The following ADAM2 variants were observed in gnomAD, a reference collection of about 807,000 sequenced individuals.
The protein encoded by ADAM2 is ADAM metallopeptidase domain 2.
In ADAM2, 101 loss-of-function variants were observed where a neutral mutation model predicts 99.3. The ratio of observed to expected loss-of-function variants is 1.02; its 90% CI spans 0.87 to 1.20. The LOEUF is 1.20. Ranked by LOEUF, ADAM2 falls within the 50% of genes most tolerant of loss-of-function variation. ADAM2 has a pLI of 0.00. For missense variants in ADAM2, 948 were observed against 878.7 expected, an observed-to-expected ratio of 1.08 and a Z score of -1.00; for synonymous variants, 323 against 287.6, an observed-to-expected ratio of 1.12 and a Z score of -1.25.
At chr8:39,758,204 T>C (rs1223470527) in intron 15 of ADAM2, among the ~76,000 whole-genome samples, 1 of 152,114 alleles carries the variant, frequency 6.6e-6, no homozygotes, top group Non-Finnish European at 1.5e-5. Flanking sequence ...TCTAGCTCCA[T>C]TGACTGACAG....
At chr8:39,799,791 T>A (rs554712795) in intron 7 of ADAM2, among the ~76,000 whole-genome samples, 2 of 152,336 alleles carry the variant, frequency 1.3e-5, no homozygotes, top group South Asian at 2.1e-4. Flanking sequence ...TTATGTAGTG[T>A]CCTTCTTTGT....
intron 15 of ADAM2, among the ~76,000 whole-genome samples, chr8:39,760,913 T>TAAAAAAAAAAAAAAAAAAAAAAAAA (rs1802341281): frequency 9.6e-6 from 1 of 104,548 alleles, no homozygotes; most frequent in African/African-American, 4.0e-5. Context: ...AAAAAAAAAT[T>TAAAAAAAAAAAAAAAAAAAAAAAAA]AAAGTAATAG....
rs772032081 is a variant in ADAM2 at position 39,769,451 on chromosome 8, C to G, written c.1153G>C (p.Ala385Pro). The stretch of plus-strand genomic sequence containing the variant: ...TCCAGCTTTGCATTACCACACACTG[C>G]TTGCTGTTTGAAAAAAGGATCTAAG... Reference protein sequence around the residue: ...PRLDPFFKQQAVCGNAKLEAG... With the variant: ...PRLDPFFKQQPVCGNAKLEAG... Residue 385 changes from alanine to proline, a missense_variant, in exon 12 of 21, where the codon GCA becomes CCA. Physicochemically the swap from Ala to Pro is conservative, Grantham distance 27. Coordinates refer to ENST00000265708, the MANE Select transcript of ADAM2 (RefSeq NM_001464.5). 1 of 1,613,932 alleles carries G rather than the reference C, an allele frequency of 6.2e-7. No homozygotes were observed. Among genetic ancestry groups the G allele is most frequent in the Non-Finnish European group, 8.5e-7 (1 of 1,179,836 alleles).
At chr8:39,797,548 T>C (rs77255148) in intron 7 of ADAM2, among the ~76,000 whole-genome samples, 1 of 152,180 alleles carries the variant, frequency 6.6e-6, no homozygotes, top group Non-Finnish European at 1.5e-5. Flanking sequence ...CTTGATTGCA[T>C]ATGAAATTTA....
Position 39,792,286 on chromosome 8 carries a change from G to A in ADAM2, c.571-3546C>T, listed in dbSNP as rs143268444. ...AATTTAGAATTACAATGGCTTTTAT[G>A]AGGAATGTTATAATTGCACAAAATC... On this transcript the variant is annotated intron_variant, in intron 7 of 20. Transcript: ENST00000265708. Among the ~76,000 whole-genome samples, 27 of 152,042 alleles carry A rather than the reference G, an allele frequency of 1.8e-4. No homozygotes were observed. In the East Asian group the frequency reaches 4.4e-3, roughly 25 times the overall value.
At chr8:39,799,856 C>T (rs1360706302) in intron 7 of ADAM2, among the ~76,000 whole-genome samples, 2 of 151,548 alleles carry the variant, frequency 1.3e-5, no homozygotes, top group African/African-American at 4.8e-5. Context: ...AGGAATACAA[C>T]CATTTTTGTC....
intron 10 of ADAM2, among the ~76,000 whole-genome samples, chr8:39,783,323 TG>T (rs762872851): frequency 3.9e-5 from 6 of 152,160 alleles, no homozygotes; most frequent in Non-Finnish European, 7.4e-5. Context: ...TTTGATAAAA[TG>T]AAAAAATACA....
chr8:39,807,902 C>T (rs887503883), intron 7 of ADAM2, among the ~76,000 whole-genome samples: 1 of 152,042 alleles, frequency 6.6e-6, no homozygotes, highest in African/African-American at 2.4e-5. Flanking sequence ...ACAGAATGTA[C>T]ATTTCACAAA....
At chr8:39,824,248 A>AC (rs1436004352) in intron 4 of ADAM2, among the ~76,000 whole-genome samples, 1 of 141,164 alleles carries the variant, frequency 7.1e-6, no homozygotes, top group Admixed American at 7.6e-5. Flanking sequence ...GCGCCATTGC[A>AC]CTCCAGCCTG....
chr8:39,799,300 G>C (rs1804106759), intron 7 of ADAM2, among the ~76,000 whole-genome samples: 1 of 152,140 alleles, frequency 6.6e-6, no homozygotes, highest in Non-Finnish European at 1.5e-5. Flanking sequence ...TATTTACCCA[G>C]TAGTCATTCA....
chr8:39,829,783 C>T (rs776784816), intron 3 of ADAM2, among the ~76,000 whole-genome samples: 4 of 151,768 alleles, frequency 2.6e-5, no homozygotes, highest in Non-Finnish European at 4.4e-5. Context: ...AAATTGGATG[C>T]TATACAGTAA....
chr8:39,813,124 C>T (rs1373537605), intron 6 of ADAM2, among the ~76,000 whole-genome samples: 3 of 152,150 alleles, frequency 2.0e-5, no homozygotes, highest in African/African-American at 7.2e-5. Flanking sequence ...TGAACAGACA[C>T]TTCTCAAAAG....
chr8:39,794,188 G>C (rs1408064890), intron 7 of ADAM2, among the ~76,000 whole-genome samples: 1 of 152,048 alleles, frequency 6.6e-6, no homozygotes, highest in African/African-American at 2.4e-5. Flanking sequence ...ATGCCTTGTA[G>C]TATTTATGTA....
At chr8:39,801,106 G>A (rs1804189225) in intron 7 of ADAM2, among the ~76,000 whole-genome samples, 1 of 152,106 alleles carries the variant, frequency 6.6e-6, no homozygotes, top group Non-Finnish European at 1.5e-5. Context: ...CTGGGCTTTT[G>A]GGTTTTCAGC....
chr8:39,820,147 CA>C (rs1369474571), intron 6 of ADAM2, among the ~76,000 whole-genome samples: 2 of 152,064 alleles, frequency 1.3e-5, no homozygotes, highest in African/African-American at 4.8e-5. Context: ...ACATTTTTGT[CA>C]AACTAGCAAA....
At chr8:39,826,183 CA>C (rs1266540620) in intron 3 of ADAM2, among the ~76,000 whole-genome samples, 4 of 152,166 alleles carry the variant, frequency 2.6e-5, no homozygotes, top group African/African-American at 9.7e-5. Flanking sequence ...TACTTGACTT[CA>C]AACTATACTG....
intron 12 of ADAM2, among the ~76,000 whole-genome samples, chr8:39,767,787 A>T (rs147903357): frequency 1.5e-3 from 231 of 152,124 alleles, no homozygotes; most frequent in African/African-American, 5.3e-3. Flanking sequence ...ATATCTTATT[A>T]TGCCTTGTTT....
At chr8:39,816,091 T>G (rs1251688666) in intron 6 of ADAM2, among the ~76,000 whole-genome samples, 1 of 150,052 alleles carries the variant, frequency 6.7e-6, no homozygotes, top group African/African-American at 2.5e-5. Context: ...AGGTCAGGAG[T>G]TCAAGACCAG....
intron 10 of ADAM2, among the ~76,000 whole-genome samples, chr8:39,786,760 G>A (rs1803482161): frequency 6.6e-6 from 1 of 151,962 alleles, no homozygotes; most frequent in Admixed American, 6.6e-5. Flanking sequence ...TAACTTTCTA[G>A]AAAGGATATC....
Sources: allele counts gnomAD v4.1 joint callset (sites outside exome capture counted in the v4.1 genomes callset), GRCh38; gene constraint gnomAD v4.1.1; transcripts MANE v1.5; gene names NCBI Gene and HGNC (gene_info 2026-07-23, HGNC 2026-07-21).